CDH12: variants seen among roughly 807,000 people sequenced by gnomAD.
CDH12 encodes the protein cadherin-12.
Under a neutral mutation model 74.1 loss-of-function variants are expected in CDH12, and 41 were observed. That is an observed-to-expected ratio of 0.55 (90% CI 0.43 to 0.72). The LOEUF (loss-of-function observed/expected upper bound fraction) is 0.72, where lower values mean the gene tolerates loss of function less well. CDH12 is among the 30% of genes least tolerant of loss of function. The pLI, the probability that CDH12 is intolerant of heterozygous loss-of-function variation, is 0.00. For missense variants in CDH12, 945 were observed against 977.2 expected, an observed-to-expected ratio of 0.97 and a Z score of 0.44; for synonymous variants, 399 against 355.0, an observed-to-expected ratio of 1.12 and a Z score of -1.39.
At chr5:22,357,588 A>T (rs1311176257) in intron 3 of CDH12, among the ~76,000 whole-genome samples, 2 of 152,202 alleles carry the variant, frequency 1.3e-5, no homozygotes, top group Non-Finnish European at 2.9e-5. Context: ...ACAATAAAAA[A>T]GTGGGCACTT....
chr5:22,301,996 C>CAT (rs1188581759), intron 3 of CDH12, among the ~76,000 whole-genome samples: 118 of 131,202 alleles, frequency 9.0e-4, no homozygotes, highest in East Asian at 6.0e-3. Flanking sequence ...CATATAGGTA[C>CAT]ATATATATAT....
chr5:22,346,410 C>G (rs148140768), intron 3 of CDH12, among the ~76,000 whole-genome samples: 1,951 of 152,200 alleles, frequency 0.013, 24 homozygotes, highest in Middle Eastern at 0.02. Flanking sequence ...TTCTACTTCC[C>G]TAATTGGTTC....
chr5:22,613,602 T>C (rs945007867), intron 1 of CDH12, among the ~76,000 whole-genome samples: 4 of 152,136 alleles, frequency 2.6e-5, no homozygotes, highest in African/African-American at 9.7e-5. Context: ...AAAACATCTT[T>C]ACGTGCTGTT....
intron 1 of CDH12, among the ~76,000 whole-genome samples, chr5:22,835,202 C>G (rs1419874091): frequency 2.6e-5 from 4 of 151,902 alleles, no homozygotes; most frequent in Non-Finnish European, 5.9e-5. Flanking sequence ...ATATTAATGT[C>G]TACACTCTGT....
At chr5:21,921,979 A>G (rs1337870834) in intron 6 of CDH12, among the ~76,000 whole-genome samples, 1 of 152,172 alleles carries the variant, frequency 6.6e-6, no homozygotes, top group East Asian at 1.9e-4. Context: ...ACATCTTTTC[A>G]TACAATGAAT....
intron 4 of CDH12, among the ~76,000 whole-genome samples, chr5:22,148,615 A>G (rs907243989): frequency 1.3e-5 from 2 of 152,146 alleles, no homozygotes; most frequent in Admixed American, 1.3e-4. Context: ...GTCAGAAAGC[A>G]GCAGAGTTGG....
intron 1 of CDH12, among the ~76,000 whole-genome samples, chr5:22,575,813 C>G (rs1739760783): frequency 6.6e-6 from 1 of 152,182 alleles, no homozygotes; most frequent in African/African-American, 2.4e-5. Flanking sequence ...GATCCGCCTG[C>G]CTCAGCCTCC....
At chr5:22,397,538 A>C (rs573888728) in intron 3 of CDH12, among the ~76,000 whole-genome samples, 2 of 151,566 alleles carry the variant, frequency 1.3e-5, no homozygotes, top group Non-Finnish European at 2.9e-5. Flanking sequence ...GTTGTCCAGC[A>C]GCAGATGGCA....
chr5:21,898,317 G>A (rs994891080), intron 6 of CDH12, among the ~76,000 whole-genome samples: 15 of 152,090 alleles, frequency 9.9e-5, no homozygotes, highest in African/African-American at 3.6e-4. Context: ...TCAAACTCCT[G>A]GTCTCAAGTG....
At chr5:22,488,387 T>A (rs888354791) in intron 2 of CDH12, among the ~76,000 whole-genome samples, 1 of 152,216 alleles carries the variant, frequency 6.6e-6, no homozygotes, top group Non-Finnish European at 1.5e-5. Context: ...GTCATGGCTA[T>A]CTTAAAAAAT....
At chr5:22,662,258 C>T (rs182255011) in intron 1 of CDH12, among the ~76,000 whole-genome samples, 93 of 152,224 alleles carry the variant, frequency 6.1e-4, no homozygotes, top group African/African-American at 2.1e-3. Flanking sequence ...AGGAAATTTT[C>T]ATTTAGGCTC....
chr5:22,491,586 C>T (rs905460247), intron 2 of CDH12, among the ~76,000 whole-genome samples: 33 of 124,458 alleles, frequency 2.7e-4, no homozygotes, highest in Non-Finnish European at 4.5e-4. Flanking sequence ...AGAAAATACA[C>T]CAACAGTAAG....
intron 1 of CDH12, among the ~76,000 whole-genome samples, chr5:22,681,228 G>GGT (rs1035806842): frequency 0.018 from 1,880 of 105,806 alleles, 17 homozygotes; most frequent in Non-Finnish European, 0.027. Context: ...GGTATTGGGG[G>GGT]GTGTGTGTGT....
At chr5:22,353,056 G>C (rs2150466037) in intron 3 of CDH12, among the ~76,000 whole-genome samples, 1 of 152,158 alleles carries the variant, frequency 6.6e-6, no homozygotes, top group East Asian at 1.9e-4. Flanking sequence ...ACATGATTCT[G>C]GATTACCATG....
intron 4 of CDH12, among the ~76,000 whole-genome samples, chr5:22,098,025 A>T (rs1326726014): frequency 4.6e-5 from 7 of 151,988 alleles, no homozygotes; most frequent in African/African-American, 9.7e-5. Flanking sequence ...ATGGTGCCAA[A>T]CCCATATACT....
chr5:22,840,099 T>A (rs544783880), intron 1 of CDH12, among the ~76,000 whole-genome samples: 1 of 152,182 alleles, frequency 6.6e-6, no homozygotes, highest in Non-Finnish European at 1.5e-5. Flanking sequence ...GATGACTTTT[T>A]AAAATCTTTT....
At chr5:22,257,008 T>C (rs1753342183) in intron 3 of CDH12, among the ~76,000 whole-genome samples, 1 of 152,170 alleles carries the variant, frequency 6.6e-6, no homozygotes, top group Non-Finnish European at 1.5e-5. Context: ...AAGAATGAGA[T>C]AATGTCCTTT....
chr5:21,981,727 G>C (rs1181527925), intron 5 of CDH12, among the ~76,000 whole-genome samples: 4 of 152,192 alleles, frequency 2.6e-5, no homozygotes, highest in Non-Finnish European at 5.9e-5. Context: ...TGTGGCCCAA[G>C]CTACAGTGCA....
chr5:22,363,805 C>T (rs1413537301), intron 3 of CDH12, among the ~76,000 whole-genome samples: 5 of 152,292 alleles, frequency 3.3e-5, no homozygotes, highest in East Asian at 1.9e-4. Flanking sequence ...GGAGGCAATG[C>T]CTGCATCATC....
Sources: allele counts gnomAD v4.1 joint callset (sites outside exome capture counted in the v4.1 genomes callset), GRCh38; gene constraint gnomAD v4.1.1; transcripts MANE v1.5; gene names NCBI Gene and HGNC (gene_info 2026-07-23, HGNC 2026-07-21).